The following NGLY1 variants were observed in gnomAD, a reference collection of about 807,000 sequenced individuals.
NGLY1 encodes N-glycanase 1, also known as peptide-N(4)-(N-acetyl-beta-glucosaminyl)asparagine amidase.
Under a neutral mutation model 84.6 loss-of-function variants are expected in NGLY1, and 68 were observed. The ratio of observed to expected loss-of-function variants is 0.80; its 90% CI spans 0.66 to 0.98. The LOEUF is 0.98. Among genes scored for constraint, NGLY1 ranks in the 50% least tolerant of loss-of-function variants. NGLY1 has a pLI of 0.00. For synonymous variants in NGLY1, 280 were observed against 275.2 expected (o/e 1.02, Z -0.17); for missense variants, 779 against 770.2 (o/e 1.01, Z -0.14).
chr3:25,735,018 T>TTA (rs1362117182), intron 7 of NGLY1: 2 of 271,800 alleles, frequency 7.4e-6, no homozygotes, highest in Non-Finnish European at 1.1e-5. Context: ...GAACAATTCA[T>TTA]TATCCATATG....
chr3:25,746,350 CTG>C (rs145965067), intron 4 of NGLY1, among the ~76,000 whole-genome samples: 1,997 of 152,274 alleles, frequency 0.013, 43 homozygotes, highest in African/African-American at 0.046. Flanking sequence ...TACTAATCTG[CTG>C]TGTCATTTCT....
intron 10 of NGLY1, among the ~76,000 whole-genome samples, chr3:25,727,197 T>G (rs1308667255): frequency 1.3e-5 from 2 of 152,220 alleles, no homozygotes; most frequent in Non-Finnish European, 2.9e-5. Flanking sequence ...AAGATTCTAG[T>G]ATTTTTCTTC....
At position 25,730,669 on chromosome 3, in the gene NGLY1, A is replaced by T. The variant is rs2125462630; in HGVS notation, c.1426-1351T>A. 2 of 152,292 alleles carry T rather than the reference A, an allele frequency of 1.3e-5. 1 individual carries two copies. The highest frequency in any genetic ancestry group is 4.1e-4 in the South Asian group (2 of 4,834). The allele number at this position is 152,292 out of a possible 1,614,324, so 9.4% of individuals were successfully genotyped here. On this transcript the variant is annotated intron_variant, in intron 9 of 11. Transcript: ENST00000280700. ...GATCTTGTAATCCTATGGCTGAACC[A>T]ACACTTTTAACTGCCCGCTACAGAC...
At chr3:25,756,187 T>C (rs1575640969) in intron 3 of NGLY1, among the ~76,000 whole-genome samples, 1 of 152,214 alleles carries the variant, frequency 6.6e-6, no homozygotes, top group African/African-American at 2.4e-5. Context: ...TTGGCCTTCC[T>C]TAATTCCCCA....
At position 25,740,081 on chromosome 3, in the gene NGLY1, G is replaced by A. The variant is rs533897866; in HGVS notation, c.659-282C>T. Among the ~76,000 whole-genome samples, 6 of 152,204 alleles carry A rather than the reference G, an allele frequency of 3.9e-5. 1 individual carries two copies. The South Asian group carries it at 1.2e-3, about 32-fold the overall frequency. The stretch of plus-strand genomic sequence containing the variant: ...TGAGCTGAACACAATGACCTCTTAG[G>A]GAACTATAGTCAGTTAGGAATTGAT... On this transcript the variant is annotated intron_variant, in intron 4 of 11. Transcript: ENST00000280700.
chr3:25,742,884 CAAAAAA>C (rs34669504), intron 4 of NGLY1, among the ~76,000 whole-genome samples: 1 of 63,314 alleles, frequency 1.6e-5, no homozygotes, highest in African/African-American at 6.5e-5. Context: ...CCTTATGTGG[CAAAAAA>C]AAAAAAAAAA....
intron 10 of NGLY1, 102 bp downstream of exon 10, chr3:25,729,031 T>C (rs546873705): frequency 1.3e-6 from 1 of 742,740 alleles, no homozygotes; most frequent in African/African-American, 1.8e-5. Context: ...AAAATAAGTT[T>C]GATATATCAG....
chr3:25,760,860 C>CAAAAAAAAAAAAAAAAAAAAAAAA (rs760535260), intron 3 of NGLY1, among the ~76,000 whole-genome samples: 1 of 71,674 alleles, frequency 1.4e-5, no homozygotes, highest in African/African-American at 6.8e-5. Flanking sequence ...AACTCTGTCT[C>CAAAAAAAAAAAAAAAAAAAAAAAA]AAAAAAAAAA....
At chr3:25,746,991 T>G (rs960227132) in intron 4 of NGLY1, among the ~76,000 whole-genome samples, 18 of 152,096 alleles carry the variant, frequency 1.2e-4, no homozygotes, top group African/African-American at 4.3e-4. Context: ...AACTGCAAAT[T>G]AGCCCGGCTA....
At chr3:25,785,049 T>C (rs548480041), upstream of NGLY1, among the ~76,000 whole-genome samples, 1 of 151,756 alleles carries the variant, frequency 6.6e-6, no homozygotes, top group East Asian at 1.9e-4. Flanking sequence ...TCTGCAGCTG[T>C]TGCTCCACAG....
intron 10 of NGLY1, among the ~76,000 whole-genome samples, chr3:25,724,871 G>A (rs973253201): frequency 6.6e-6 from 1 of 152,086 alleles, no homozygotes; most frequent in Admixed American, 6.6e-5. Flanking sequence ...ATTATGATAT[G>A]TGTATATATA....
At chr3:25,721,767 A>G (rs1027663221) in intron 10 of NGLY1, among the ~76,000 whole-genome samples, 6 of 150,814 alleles carry the variant, frequency 4.0e-5, no homozygotes, top group South Asian at 4.2e-4. Context: ...AAAAAAAAAA[A>G]AAAAAAAGAA....
intron 11 of NGLY1, 74 bp downstream of exon 11, chr3:25,719,940 T>A (rs1398413532): frequency 1.5e-6 from 2 of 1,322,784 alleles, no homozygotes; most frequent in Non-Finnish European, 2.1e-6. Context: ...AAGAGCTACA[T>A]CTCAAATAAG....
chr3:25,755,408 C>T (rs1331044863), intron 3 of NGLY1: 3 of 1,436,490 alleles, frequency 2.1e-6, no homozygotes, highest in Non-Finnish European at 2.9e-6. Context: ...TATAGTGACC[C>T]CACAAACAGT....
chr3:25,784,086 A>G (rs1167258829), upstream of NGLY1: 1 of 152,224 alleles, frequency 6.6e-6, no homozygotes, highest in African/African-American at 2.4e-5. Context: ...TTCTACATAG[A>G]TGTGGATGAA....
chr3:25,774,392 C>G (rs940872525), intron 2 of NGLY1, among the ~76,000 whole-genome samples: 1 of 152,150 alleles, frequency 6.6e-6, no homozygotes, highest in African/African-American at 2.4e-5. Context: ...TGTCTTTTCT[C>G]TCAGAAAGAC....
Position 25,720,094 on chromosome 3 carries a change from C to T in NGLY1, c.1709G>A (p.Arg570Lys), listed in dbSNP as rs1704906682. The T allele has an allele frequency of 6.2e-7, 1 of 1,613,738 alleles. No individual in the cohort carries two copies. The change falls in exon 11 of 12, where the codon AGA becomes AAA. Residue 570 changes from arginine to lysine, a missense_variant. Transcript: ENST00000280700. ...VGLKVDSISI[R>K]TSSQTFQTGT... Reference sequence around the variant, plus strand: ...AGTCTGAAAAGTTTGACTACTTGTTCTAATAGAAATGCTATCTACTTTTAG... The same window carrying T: ...AGTCTGAAAAGTTTGACTACTTGTTTTAATAGAAATGCTATCTACTTTTAG...
In NGLY1 at chr3:25,749,729, A is replaced by G. The variant is rs772641121; in HGVS notation, c.658+1369T>C. 14 of 1,579,910 alleles carry G rather than the reference A, an allele frequency of 8.9e-6. No individual in the cohort carries two copies. In the Admixed American group the frequency reaches 2.3e-4, roughly 26 times the overall value. The stretch of plus-strand genomic sequence containing the variant: ...TGGCTTCCAGAAGTTCCTGGTCCAC[A>G]ACGTCAAGGAGCTTGAAGTGCTGCT... On this transcript the variant is annotated intron_variant, in intron 4 of 11. Coordinates refer to ENST00000280700, the MANE Select transcript of NGLY1 (RefSeq NM_018297.4).
At chr3:25,740,584 T>C (rs941430999) in intron 4 of NGLY1, among the ~76,000 whole-genome samples, 2 of 152,104 alleles carry the variant, frequency 1.3e-5, no homozygotes, top group Non-Finnish European at 2.9e-5. Flanking sequence ...TATAGCATAA[T>C]GATAAAATCT....
Sources: allele counts gnomAD v4.1 joint callset (sites outside exome capture counted in the v4.1 genomes callset), GRCh38; gene constraint gnomAD v4.1.1; transcripts MANE v1.5; gene names NCBI Gene and HGNC (gene_info 2026-07-23, HGNC 2026-07-21).